Variants in TMPRSS9 observed in about 807,000 individuals in gnomAD.
TMPRSS9 encodes the protein transmembrane protease serine 9.
Under a neutral mutation model 111.4 loss-of-function variants are expected in TMPRSS9, and 113 were observed. That is an observed-to-expected ratio of 1.01 (90% CI 0.87 to 1.19). The LOEUF is 1.19. Ranked by LOEUF, TMPRSS9 falls within the 50% of genes most tolerant of loss-of-function variation. The pLI is 0.00. For synonymous variants in TMPRSS9, 805 were observed against 659.1 expected, an observed-to-expected ratio of 1.22 and a Z score of -3.39; for missense variants, 1,803 against 1,513.1, an observed-to-expected ratio of 1.19 and a Z score of -3.18.
chr19:2,380,460 G>C (rs1010951366), intron 1 of TMPRSS9, among the ~76,000 whole-genome samples: 1 of 151,834 alleles, frequency 6.6e-6, no homozygotes, highest in African/African-American at 2.4e-5. Flanking sequence ...AATTAGCCAG[G>C]CATGGTGGCA....
chr19:2,368,604 C>A (rs1249380074), intron 1 of TMPRSS9, among the ~76,000 whole-genome samples: 2 of 151,868 alleles, frequency 1.3e-5, no homozygotes, highest in African/African-American at 4.8e-5. Context: ...TGAGAATAGA[C>A]CCAGGGAGGG....
intron 4 of TMPRSS9, among the ~76,000 whole-genome samples, chr19:2,400,847 G>A (rs536428725): frequency 2.6e-5 from 4 of 151,376 alleles, no homozygotes; most frequent in East Asian, 2.0e-4. Context: ...GGTGGCGGGC[G>A]CCTATAATCC....
At chr19:2,422,224 C>T in exon 14 of TMPRSS9, 4 of 1,515,708 alleles carry the variant, frequency 2.6e-6, no homozygotes, top group Non-Finnish European at 3.5e-6. Flanking sequence ...GCCCCGGAGG[C>T]CACCACACAC....
chr19:2,409,179 T>C (rs1971044881), intron 8 of TMPRSS9, among the ~76,000 whole-genome samples: 1 of 148,742 alleles, frequency 6.7e-6, no homozygotes. Context: ...TTGCTCTTGT[T>C]GCCCAGGCTG....
intron 11 of TMPRSS9, chr19:2,416,166 G>C: frequency 2.4e-6 from 1 of 418,774 alleles, no homozygotes; most frequent in Non-Finnish European, 4.3e-6. Context: ...TTGAGCCCAG[G>C]AGGTCGAGGC....
chr19:2,369,108 C>T (rs1238096996), intron 1 of TMPRSS9, among the ~76,000 whole-genome samples: 1 of 151,916 alleles, frequency 6.6e-6, no homozygotes, highest in Non-Finnish European at 1.5e-5. Context: ...CCCACCACCA[C>T]ACCCAGCTAA....
exon 17 of TMPRSS9, chr19:2,425,469 G>A (rs551691513): frequency 3.8e-6 from 6 of 1,590,026 alleles, no homozygotes; most frequent in Admixed American, 1.7e-5. Context: ...CCGGCTTCCC[G>A]CAGGGTGGCG....
At position 2,364,761 on chromosome 19, in the gene TMPRSS9, C is replaced by A. The variant is rs554561716; in HGVS notation, c.-26+4401C>A. ...AGCACTTTGGGAGGCTGAGGCGGGCCGATCATGAGGTCAGGAGATCGAGAC... is the reference window on the plus strand; with the variant it reads ...AGCACTTTGGGAGGCTGAGGCGGGCAGATCATGAGGTCAGGAGATCGAGAC... On this transcript the variant is annotated intron_variant, in intron 1 of 17. Coordinates refer to the TMPRSS9 transcript ENST00000649857. 2.4e-3 allele frequency among the ~76,000 whole-genome samples: 362 copies of A among 151,692 alleles called. 6 individuals carry two copies. Among genetic ancestry groups the A allele is most frequent in the Non-Finnish European group, 1.0e-3 (70 of 67,860 alleles).
intron 8 of TMPRSS9, among the ~76,000 whole-genome samples, chr19:2,409,185 G>A (rs1261603488): frequency 6.9e-6 from 1 of 144,788 alleles, no homozygotes; most frequent in East Asian, 2.0e-4. Flanking sequence ...TTGTTGCCCA[G>A]GCTGGAGTGC....
chr19:2,388,528 A>C (rs1367036759), upstream of TMPRSS9, among the ~76,000 whole-genome samples: 1 of 152,204 alleles, frequency 6.6e-6, no homozygotes, highest in Non-Finnish European at 1.5e-5. Context: ...GAGCCCCCAG[A>C]AGGGCCCAGG....
intron 1 of TMPRSS9, among the ~76,000 whole-genome samples, chr19:2,369,459 C>T: frequency 6.6e-6 from 1 of 151,944 alleles, no homozygotes; most frequent in East Asian, 1.9e-4. Flanking sequence ...TGCTCTGTCA[C>T]CCTCACCCAG....
intron 17 of TMPRSS9, 115 bp from the exon 19 acceptor site, chr19:2,425,812 G>GA: frequency 7.1e-7 from 1 of 1,406,446 alleles, no homozygotes; most frequent in Admixed American, 2.5e-5. Flanking sequence ...TCCAGATAGT[G>GA]AAAATGCGGC....
chr19:2,416,447 G>C, intron 11 of TMPRSS9, 91 bp from the exon 13 acceptor site: 3 of 1,501,764 alleles, frequency 2.0e-6, no homozygotes, highest in Non-Finnish European at 2.7e-6. Context: ...GCCCTGTGTG[G>C]CTTCCTGGGG....
chr19:2,397,958 C>T (rs1488743623), intron 2 of TMPRSS9, among the ~76,000 whole-genome samples: 2 of 123,082 alleles, frequency 1.6e-5, no homozygotes, highest in South Asian at 5.1e-4. Flanking sequence ...CGTGGTGGCT[C>T]ACGCCTGTGA....
intron 1 of TMPRSS9, among the ~76,000 whole-genome samples, chr19:2,366,642 G>A (rs1437999447): frequency 1.3e-5 from 2 of 151,524 alleles, no homozygotes; most frequent in Non-Finnish European, 2.9e-5. Context: ...CAGATCACAA[G>A]GTCAGGAGAT....
intron 1 of TMPRSS9, among the ~76,000 whole-genome samples, chr19:2,396,019 C>CAA (rs1970700199): frequency 6.6e-6 from 1 of 152,142 alleles, no homozygotes; most frequent in African/African-American, 2.4e-5. Context: ...AACAAACAAA[C>CAA]ACAAACCAAC....
intron 2 of TMPRSS9, 135 bp downstream of exon 3, chr19:2,396,801 G>A (rs144872631): frequency 0.015 from 19,458 of 1,310,334 alleles, 182 homozygotes; most frequent in Non-Finnish European, 0.017. Flanking sequence ...AGACCGGGAG[G>A]CCAGGCCAGG....
At chr19:2,387,126 G>T (rs1425010915), upstream of TMPRSS9, among the ~76,000 whole-genome samples, 1 of 152,206 alleles carries the variant, frequency 6.6e-6, no homozygotes, top group Non-Finnish European at 1.5e-5. Flanking sequence ...GGAGGCCAAG[G>T]CGGGTGGATC....
chr19:2,415,643 A>C, intron 10 of TMPRSS9, 27 bp from the exon 12 acceptor site: 1 of 1,542,792 alleles, frequency 6.5e-7, no homozygotes, highest in Non-Finnish European at 8.8e-7. Context: ...CAAGATCCCC[A>C]GACCTGGTCT....
Sources: gnomAD v4.1 joint callset for allele counts (sites outside exome capture counted in the v4.1 genomes callset) on GRCh38, gnomAD v4.1.1 for gene constraint, MANE v1.5 for transcripts, NCBI Gene and HGNC (gene_info 2026-07-23, HGNC 2026-07-21) for gene names.